Variants in SAMD3 observed in about 807,000 individuals in gnomAD.
The protein encoded by SAMD3 is sterile alpha motif domain-containing protein 3.
SAMD3 carries 63 observed loss-of-function variants against 58.5 expected under a neutral mutation model. The observed-to-expected ratio is 1.08, with a 90% CI of 0.88 to 1.33. SAMD3 has a LOEUF of 1.33. Ranked by LOEUF, SAMD3 falls within the 40% of genes most tolerant of loss-of-function variation. SAMD3 has a pLI of 0.00. For synonymous variants in SAMD3, 220 were observed against 210.3 expected, an observed-to-expected ratio of 1.05 and a Z score of -0.40; for missense variants, 604 against 608.4, an observed-to-expected ratio of 0.99 and a Z score of 0.08.
chr6:130,218,435 C>G (rs1191536859), intron 1 of SAMD3, among the ~76,000 whole-genome samples: 1 of 152,212 alleles, frequency 6.6e-6, no homozygotes, highest in East Asian at 1.9e-4. Context: ...CATAACATCT[C>G]ATCCACTATG....
chr6:130,362,399 T>G lies in SAMD3; in HGVS notation c.-304+2721A>C, dbSNP rs943606446. ...TCAGTACCATGGACAGTGGAACAGG[T>G]GGGCCACCACTACCATCTTCTCTCA... On this transcript the variant is annotated intron_variant, in intron 1 of 13. Transcript: ENST00000368134. 1.4e-4 allele frequency among the ~76,000 whole-genome samples: 21 copies of G among 152,324 alleles called. 1 individual carries two copies. The South Asian group carries it at 4.4e-3, about 32-fold the overall frequency.
chr6:130,330,128 A>G (rs1404630555), intron 1 of SAMD3, among the ~76,000 whole-genome samples: 2 of 152,208 alleles, frequency 1.3e-5, no homozygotes, highest in African/African-American at 4.8e-5. Flanking sequence ...AGTGTAGAAG[A>G]GATGAGTAAT....
chr6:130,282,146 AAG>A (rs1775002896), intron 2 of SAMD3, among the ~76,000 whole-genome samples: 1 of 152,024 alleles, frequency 6.6e-6, no homozygotes, highest in Admixed American at 6.6e-5. Flanking sequence ...GCACACACAC[AAG>A]CACACACGCA....
intron 8 of SAMD3, among the ~76,000 whole-genome samples, chr6:130,172,733 T>C (rs915451471): frequency 6.6e-6 from 1 of 152,208 alleles, no homozygotes; most frequent in Non-Finnish European, 1.5e-5. Context: ...CTGTATTTCC[T>C]GAATTTGCAT....
At chr6:130,355,253 G>A (rs573665361) in intron 1 of SAMD3, among the ~76,000 whole-genome samples, 1 of 152,150 alleles carries the variant, frequency 6.6e-6, no homozygotes, top group African/African-American at 2.4e-5. Flanking sequence ...GTGAAACCCC[G>A]TCTCTACTAA....
intron 7 of SAMD3, among the ~76,000 whole-genome samples, chr6:130,177,466 G>C (rs1241861187): frequency 6.6e-6 from 1 of 152,120 alleles, no homozygotes; most frequent in Non-Finnish European, 1.5e-5. Context: ...CTCTTCCACT[G>C]CTGGGCCTTC....
At chr6:130,315,262 T>C (rs1408565827) in intron 1 of SAMD3, among the ~76,000 whole-genome samples, 1 of 152,184 alleles carries the variant, frequency 6.6e-6, no homozygotes, top group East Asian at 1.9e-4. Context: ...ATTTCAGAGA[T>C]ACATATATAT....
intron 2 of SAMD3, among the ~76,000 whole-genome samples, chr6:130,274,137 G>C (rs1039294205): frequency 6.6e-6 from 1 of 152,104 alleles, no homozygotes; most frequent in African/African-American, 2.4e-5. Context: ...CATTTCTGAA[G>C]AACAGTTTTG....
intron 2 of SAMD3, among the ~76,000 whole-genome samples, chr6:130,279,598 C>T (rs1207328121): frequency 1.3e-5 from 2 of 150,862 alleles, no homozygotes; most frequent in Non-Finnish European, 2.9e-5. Flanking sequence ...GATTCTCCTG[C>T]CTCAGCCTCC....
At chr6:130,359,452 T>C (rs145128869) in intron 1 of SAMD3, among the ~76,000 whole-genome samples, 43 of 152,348 alleles carry the variant, frequency 2.8e-4, no homozygotes, top group African/African-American at 9.9e-4. Flanking sequence ...CATTTCCCTC[T>C]CTTTGAATTC....
intron 1 of SAMD3, among the ~76,000 whole-genome samples, chr6:130,339,069 T>C (rs1454995724): frequency 2.6e-5 from 4 of 152,094 alleles, no homozygotes; most frequent in Admixed American, 1.3e-4. Context: ...TTTTTTGAGA[T>C]GGAGTCTCCC....
At chr6:130,247,260 A>T (rs1773579436) in intron 2 of SAMD3, among the ~76,000 whole-genome samples, 1 of 152,164 alleles carries the variant, frequency 6.6e-6, no homozygotes, top group African/African-American at 2.4e-5. Context: ...ACCTTAGGTC[A>T]GGAGCTCAAG....
At chr6:130,280,083 C>T (rs11154559) in intron 2 of SAMD3, among the ~76,000 whole-genome samples, 48,279 of 152,020 alleles carry the variant, frequency 0.32, 7,902 homozygotes, top group East Asian at 0.47. Context: ...CCATTTCCCT[C>T]TTTCTTATCA....
At chr6:130,191,848 G>A (rs911369425) in intron 5 of SAMD3, among the ~76,000 whole-genome samples, 7 of 152,124 alleles carry the variant, frequency 4.6e-5, no homozygotes, top group African/African-American at 9.7e-5. Context: ...AGAAGTTTTT[G>A]TACTCTCTTA....
intron 2 of SAMD3, among the ~76,000 whole-genome samples, chr6:130,232,483 G>T (rs1796574468): frequency 6.6e-6 from 1 of 152,054 alleles, no homozygotes; most frequent in Admixed American, 6.6e-5. Context: ...TCCACTTCTT[G>T]AAAAACCAAA....
At chr6:130,208,176 G>C (rs1469414727) in intron 5 of SAMD3, among the ~76,000 whole-genome samples, 3 of 152,266 alleles carry the variant, frequency 2.0e-5, no homozygotes, top group Non-Finnish European at 4.4e-5. Flanking sequence ...TAAAGGGGTT[G>C]TGAAAACTGA....
chr6:130,187,309 C>T (rs930201243), intron 5 of SAMD3, among the ~76,000 whole-genome samples: 28 of 151,932 alleles, frequency 1.8e-4, no homozygotes, highest in African/African-American at 6.5e-4. Flanking sequence ...TACTTTCCCT[C>T]CTTTTTTTTT....
Position 130,209,527 on chromosome 6 carries a change from A to T in SAMD3, c.351T>A (p.Asn117Lys). ...TCAATACTCTTTGGTCAATTAGTCC[A>T]TTATCAAGGTTTTCAGCTGGATAGA... ...PSFYPAENLD[N>K]GLIDQRVLKQ... The change falls in exon 5 of 12, where the codon AAT (asparagine) becomes AAA (lysine). Residue 117 changes from asparagine to lysine, a missense_variant. By Grantham distance (94) the Asn-to-Lys change is moderately conservative. Transcript: ENST00000439090. The T allele has an allele frequency of 6.2e-7, 1 of 1,613,122 alleles. No homozygotes were observed. Among genetic ancestry groups the T allele is most frequent in the South Asian group, 1.1e-5 (1 of 91,062 alleles).
In SAMD3 at chr6:130,174,748, G is replaced by A. The variant is rs138688692; in HGVS notation, c.822+1093C>T. Among the ~76,000 whole-genome samples the A allele has an allele frequency of 4.3e-4, 66 of 152,290 alleles. 1 individual carries two copies. The East Asian group carries it at 0.012, about 28-fold the overall frequency. Reference sequence around the variant, plus strand: ...AAAGTTTCTTTTAGGGCACCTTTCAGCTGTCTTGTCTTTTTGTCAAAGAAC... The same window carrying A: ...AAAGTTTCTTTTAGGGCACCTTTCAACTGTCTTGTCTTTTTGTCAAAGAAC... On this transcript the variant is annotated intron_variant, in intron 8 of 11. Coordinates refer to ENST00000439090, the MANE Select transcript of SAMD3 (RefSeq NM_001017373.4).
Sources: gnomAD v4.1 joint callset for allele counts (sites outside exome capture counted in the v4.1 genomes callset) on GRCh38, gnomAD v4.1.1 for gene constraint, MANE v1.5 for transcripts, NCBI Gene and HGNC (gene_info 2026-07-23, HGNC 2026-07-21) for gene names.